The following ANXA11 variants were observed in gnomAD, a reference collection of about 807,000 sequenced individuals.
ANXA11 encodes the protein 56 kDa autoantigen.
A neutral mutation model predicts 64.7 loss-of-function variants in ANXA11; 57 were observed. The ratio of observed to expected loss-of-function variants is 0.88; its 90% CI spans 0.71 to 1.10. The LOEUF (loss-of-function observed/expected upper bound fraction) is 1.10. ANXA11 is among the 50% of genes least tolerant of loss of function. ANXA11 has a pLI of 0.00. For missense variants in ANXA11, 675 were observed against 670.7 expected (o/e 1.01, Z -0.07); for synonymous variants, 260 against 265.2 (o/e 0.98, Z 0.19).
At chr10:80,158,515 C>CA (rs900572032) in intron 13 of ANXA11, among the ~76,000 whole-genome samples, 8 of 151,838 alleles carry the variant, frequency 5.3e-5, no homozygotes, top group African/African-American at 1.7e-4. Flanking sequence ...CAGAAAGCTC[C>CA]AAAAAAAGCA....
intron 5 of ANXA11, 148 bp from the exon 6 acceptor site, chr10:80,167,461 T>C (rs1202677630): frequency 4.5e-6 from 3 of 667,810 alleles, no homozygotes; most frequent in Non-Finnish European, 7.8e-6. Context: ...CAGAGGACTT[T>C]ACGCCGCGTC....
At chr10:80,175,579 G>A (rs1391784212) in intron 2 of ANXA11, among the ~76,000 whole-genome samples, 1 of 147,674 alleles carries the variant, frequency 6.8e-6, no homozygotes, top group Non-Finnish European at 1.5e-5. Flanking sequence ...CAGCATAAGA[G>A]ACAAATTAAA....
chr10:80,169,431 C>A (rs1368211157), intron 4 of ANXA11, 73 bp from the exon 5 acceptor site: 1 of 1,550,992 alleles, frequency 6.4e-7, no homozygotes, highest in African/African-American at 1.3e-5. Context: ...TTTTTCATAC[C>A]TAAGCCAAGT....
chr10:80,202,213 T>C (rs1479052155), intron 1 of ANXA11, among the ~76,000 whole-genome samples: 3 of 147,286 alleles, frequency 2.0e-5, no homozygotes, highest in African/African-American at 7.7e-5. Flanking sequence ...AAGCGGGGGG[T>C]CTCTGTGTGG....
At chr10:80,163,246 C>T (rs1845585218) in intron 11 of ANXA11, 103 bp downstream of exon 11, 1 of 1,319,672 alleles carries the variant, frequency 7.6e-7, no homozygotes, top group East Asian at 2.4e-5. Context: ...CAACCCACTG[C>T]TTATCTATTG....
At chr10:80,196,873 G>C (rs556881636) in intron 1 of ANXA11, among the ~76,000 whole-genome samples, 1 of 152,202 alleles carries the variant, frequency 6.6e-6, no homozygotes, top group Non-Finnish European at 1.5e-5. Context: ...CTGGCACCTG[G>C]GGCAGCTCAG....
At chr10:80,157,544 G>A in intron 15 of ANXA11, 97 bp downstream of exon 15, 1 of 1,542,274 alleles carries the variant, frequency 6.5e-7, no homozygotes, top group Non-Finnish European at 8.8e-7. Context: ...CCCACACACA[G>A]CACAGAGGCC....
chr10:80,166,218 A>G, intron 7 of ANXA11, 21 bp from the exon 8 acceptor site: 1 of 1,403,630 alleles, frequency 7.1e-7, no homozygotes, highest in South Asian at 1.2e-5. Flanking sequence ...ATTCAAACAA[A>G]CAACCAACAA....
intron 3 of ANXA11, chr10:80,171,168 G>C: frequency 7.4e-7 from 1 of 1,358,630 alleles, no homozygotes; most frequent in Non-Finnish European, 9.5e-7. Flanking sequence ...GACCCTCTGT[G>C]GGGTATTAAG....
chr10:80,193,345 A>T (rs895675874), intron 1 of ANXA11, among the ~76,000 whole-genome samples: 2 of 152,224 alleles, frequency 1.3e-5, no homozygotes, highest in African/African-American at 4.8e-5. Flanking sequence ...AAAAATAGTT[A>T]AAAATGATTA....
intron 1 of ANXA11, among the ~76,000 whole-genome samples, chr10:80,187,972 C>T (rs750428761): frequency 2.6e-5 from 4 of 152,080 alleles, no homozygotes; most frequent in South Asian, 2.1e-4. Flanking sequence ...GCAGCTCTGC[C>T]GGAAGGAAGC....
At chr10:80,196,510 C>T (rs991794406) in intron 1 of ANXA11, among the ~76,000 whole-genome samples, 47 of 152,202 alleles carry the variant, frequency 3.1e-4, no homozygotes, top group African/African-American at 1.1e-3. Context: ...AGGGAGGACA[C>T]ATCTAGGACA....
At chr10:80,173,821 C>A (rs551149059) in intron 2 of ANXA11, among the ~76,000 whole-genome samples, 3 of 152,338 alleles carry the variant, frequency 2.0e-5, no homozygotes, top group Non-Finnish European at 4.4e-5. Flanking sequence ...TTTTTACACA[C>A]TGGGTTTCAC....
chr10:80,155,208 C>T lies in ANXA11; in HGVS notation c.*645G>A, dbSNP rs1267813684. 2 of 152,712 alleles carry T rather than the reference C, an allele frequency of 1.3e-5. No homozygotes were observed. The highest frequency in any genetic ancestry group is 1.5e-5 in the Non-Finnish European group (1 of 68,168). The allele number at this position is 152,712 out of a possible 1,614,324, so 9.5% of individuals were successfully genotyped here. Reference sequence around the variant, plus strand: ...CAGACATTCAGGTTTAAGGCACATACCACAAATTACAAGAAGCCCTGTCAC... The same window carrying T: ...CAGACATTCAGGTTTAAGGCACATATCACAAATTACAAGAAGCCCTGTCAC... On this transcript the variant is annotated 3_prime_UTR_variant, in exon 16 of 16. Coordinates refer to ENST00000422982, the MANE Select transcript of ANXA11 (RefSeq NM_145868.2).
chr10:80,159,977 G>A (rs1845440459), intron 12 of ANXA11, among the ~76,000 whole-genome samples: 1 of 152,138 alleles, frequency 6.6e-6, no homozygotes, highest in Non-Finnish European at 1.5e-5. Flanking sequence ...CTCGACCTAG[G>A]ACACGCTAAG....
intron 2 of ANXA11, among the ~76,000 whole-genome samples, chr10:80,175,548 CCAA>C (rs1846139677): frequency 6.6e-6 from 1 of 151,480 alleles, no homozygotes; most frequent in African/African-American, 2.4e-5. Flanking sequence ...GCCCCAAAAA[CCAA>C]CGACATAAAT....
intron 1 of ANXA11, among the ~76,000 whole-genome samples, chr10:80,191,574 T>C (rs915222417): frequency 6.6e-6 from 1 of 152,062 alleles, no homozygotes; most frequent in Non-Finnish European, 1.5e-5. Flanking sequence ...AAGGGAAATA[T>C]TAAACCACCA....
In ANXA11 at chr10:80,190,818, C is replaced by A. The variant is rs1208086707; in HGVS notation, c.-58+14525G>T. ...TTTAAAGAAAACTATTGGCCAGGCA[C>A]GGTGGCTCACGCCTGTAACCCCAGC... On this transcript the variant is annotated intron_variant, in intron 1 of 15. Coordinates refer to ENST00000422982, the MANE Select transcript of ANXA11 (RefSeq NM_145868.2). Among the ~76,000 whole-genome samples, 3 of 139,858 alleles carry A rather than the reference C, an allele frequency of 2.1e-5. 1 individual carries two copies. In the South Asian group the frequency reaches 8.1e-4, roughly 38 times the overall value. 91.8% of individuals were successfully genotyped at this position (139,858 alleles called of 152,430 possible).
intron 3 of ANXA11, chr10:80,171,746 C>A: frequency 1.0e-6 from 1 of 985,526 alleles, no homozygotes; most frequent in Non-Finnish European, 1.2e-6. Flanking sequence ...CCAGGAAGAA[C>A]CTTCCCTAAA....
Sources: gnomAD v4.1 joint callset for allele counts (sites outside exome capture counted in the v4.1 genomes callset) on GRCh38, gnomAD v4.1.1 for gene constraint, MANE v1.5 for transcripts, NCBI Gene and HGNC (gene_info 2026-07-23, HGNC 2026-07-21) for gene names.